Variants in DUOX1 observed in about 807,000 individuals in gnomAD.
DUOX1 encodes dual oxidase 1.
In DUOX1, 134 loss-of-function variants were observed where a neutral mutation model predicts 181.8. The ratio of observed to expected loss-of-function variants is 0.74; its 90% CI spans 0.64 to 0.85. DUOX1 has a LOEUF of 0.85. DUOX1 is among the 40% of genes least tolerant of loss of function. The pLI is 0.00. For synonymous variants in DUOX1, 798 were observed against 832.5 expected, an observed-to-expected ratio of 0.96 and a Z score of 0.71; for missense variants, 1,814 against 2,064.4, an observed-to-expected ratio of 0.88 and a Z score of 2.35.
At chr15:45,145,101 C>G in intron 18 of DUOX1, 21 bp downstream of exon 18, 1 of 1,568,052 alleles carries the variant, frequency 6.4e-7, no homozygotes, top group Non-Finnish European at 8.6e-7. Flanking sequence ...GGGACCAGAT[C>G]AATCCTTATG....
chr15:45,138,034 T>C lies in DUOX1; in HGVS notation c.1113+20T>C, dbSNP rs781758857. ...CGTGAGGTCCGAGCTGGGGGCCACA[T>C]ATGTGGTGGATGTGTGTGTGTGCAT... On this transcript the variant is annotated intron_variant, in intron 10 of 33. Transcript: ENST00000389037. 2 of 1,585,188 alleles carry C rather than the reference T, an allele frequency of 1.3e-6. No individual in the cohort carries two copies. The highest frequency in any genetic ancestry group is 1.7e-6 in the Non-Finnish European group (2 of 1,159,718).
intron 28 of DUOX1, among the ~76,000 whole-genome samples, chr15:45,160,531 C>T (rs1363047770): frequency 8.1e-6 from 1 of 123,262 alleles, no homozygotes; most frequent in Non-Finnish European, 1.7e-5. Context: ...ACAGGAATTA[C>T]AGTGAGACAA....
chr15:45,149,328 C>G (rs1160606073), intron 21 of DUOX1, among the ~76,000 whole-genome samples: 1 of 152,154 alleles, frequency 6.6e-6, no homozygotes, highest in Non-Finnish European at 1.5e-5. Context: ...GATTCTGCAG[C>G]TTTTTACCTT....
chr15:45,159,949 C>T (rs1460224076), intron 28 of DUOX1, among the ~76,000 whole-genome samples: 1 of 152,062 alleles, frequency 6.6e-6, no homozygotes, highest in Non-Finnish European at 1.5e-5. Context: ...GAGGTCAGTT[C>T]GAGACCAGCC....
At chr15:45,138,487 A>G (rs1295003622) in intron 10 of DUOX1, among the ~76,000 whole-genome samples, 8 of 152,142 alleles carry the variant, frequency 5.3e-5, no homozygotes, top group Admixed American at 3.9e-4. Flanking sequence ...GTTCCTAGAG[A>G]TTATTGGGGA....
intron 10 of DUOX1, chr15:45,138,612 G>GA: frequency 6.1e-6 from 1 of 163,908 alleles, no homozygotes; most frequent in Non-Finnish European, 1.3e-5. Flanking sequence ...TGGGGAGGAA[G>GA]AAAAAAGAAG....
chr15:45,152,584 G>C (rs749803175), intron 25 of DUOX1, 68 bp downstream of exon 25: 3 of 1,394,924 alleles, frequency 2.2e-6, no homozygotes, highest in African/African-American at 1.4e-5. Context: ...CCTCGTATGA[G>C]AGCCCCCCTC....
At chr15:45,159,256 G>A (rs971622493) in intron 28 of DUOX1, among the ~76,000 whole-genome samples, 6 of 152,236 alleles carry the variant, frequency 3.9e-5, no homozygotes, top group African/African-American at 1.4e-4. Flanking sequence ...ATGCCACATG[G>A]CGGAGCATAG....
At chr15:45,140,823 C>A in intron 12 of DUOX1, 72 bp from the exon 13 acceptor site, 1 of 1,503,270 alleles carries the variant, frequency 6.7e-7, no homozygotes, top group Non-Finnish European at 9.2e-7. Context: ...GGGCTAATCC[C>A]TGGGAGCCAC....
Position 45,144,074 on chromosome 15 carries a change from G to C in DUOX1, c.1975G>C (p.Val659Leu), listed in dbSNP as rs199914519. 6.2e-7 allele frequency: 1 copy of C among 1,614,012 alleles called. No homozygotes were observed. The highest frequency in any genetic ancestry group is 1.7e-5 in the Admixed American group (1 of 60,030). Residue 659 changes from valine (V) to leucine (L), a missense_variant, in exon 17 of 34, where the codon GTG becomes CTG. This residue lies in a region of DUOX1 where 1,064 missense variants were observed against 1,152.9 expected (regional missense o/e 0.92). Coordinates refer to ENST00000389037, the MANE Select transcript of DUOX1 (RefSeq NM_175940.3). ...WQGHKEPCRP[V>L]LVYLQPGQIR... The stretch of plus-strand genomic sequence containing the variant: ...AGGCCACAAGGAGCCCTGCCGGCCC[G>C]TGCTTGTGTACCTGCAGCCCGGGCA...
At chr15:45,147,094 A>G (rs1487286407) in intron 18 of DUOX1, among the ~76,000 whole-genome samples, 2 of 152,228 alleles carry the variant, frequency 1.3e-5, no homozygotes, top group African/African-American at 4.8e-5. Flanking sequence ...CTGTCAGCCA[A>G]TGAGGCCACT....
At chr15:45,141,263 C>T in intron 13 of DUOX1, 29 bp from the exon 14 acceptor site, 1 of 1,611,952 alleles carries the variant, frequency 6.2e-7, no homozygotes, top group South Asian at 1.1e-5. Context: ...CCCTTCCCAT[C>T]CCAGTGACTT....
intron 28 of DUOX1, 51 bp from the exon 29 acceptor site, chr15:45,160,786 A>G: frequency 1.3e-6 from 2 of 1,551,266 alleles, no homozygotes; most frequent in Admixed American, 1.8e-5. Context: ...CTGGCCCTGT[A>G]TTCTGCTATG....
At chr15:45,161,543 A>G (rs765114878) in intron 29 of DUOX1, among the ~76,000 whole-genome samples, 195 bp from the exon 30 acceptor site, 3 of 151,948 alleles carry the variant, frequency 2.0e-5, no homozygotes, top group Non-Finnish European at 4.4e-5. Context: ...AGAGAAGCTC[A>G]GGCCAGGCTG....
chr15:45,162,009 TC>T (rs1233033079), intron 30 of DUOX1, 39 bp downstream of exon 30: 1 of 1,566,068 alleles, frequency 6.4e-7, no homozygotes, highest in Non-Finnish European at 8.7e-7. Flanking sequence ...TGCGCCCATA[TC>T]CCCTTTGAAG....
At chr15:45,157,156 TC>T (rs1896987643) in intron 28 of DUOX1, among the ~76,000 whole-genome samples, 1 of 152,270 alleles carries the variant, frequency 6.6e-6, no homozygotes, top group Admixed American at 6.5e-5. Flanking sequence ...GTCTGTTTCA[TC>T]TTGCCTGTTG....
chr15:45,139,785 G>T, intron 12 of DUOX1, 186 bp downstream of exon 12: 1 of 728,374 alleles, frequency 1.4e-6, no homozygotes, highest in South Asian at 2.1e-5. Context: ...AGCAAGATTT[G>T]GCTTTGCACT....
intron 4 of DUOX1, 32 bp from the exon 5 acceptor site, chr15:45,135,072 T>G: frequency 6.2e-7 from 1 of 1,601,002 alleles, no homozygotes; most frequent in Non-Finnish European, 8.5e-7. Flanking sequence ...GCCCTCTGCT[T>G]GCCCTAGCAC....
chr15:45,135,445 CCCG>C lies in DUOX1; in HGVS notation c.496-28_496-26del. The C allele has an allele frequency of 1.9e-6, 3 of 1,541,676 alleles. No homozygotes were observed. The South Asian group carries it at 3.6e-5, about 18-fold the overall frequency. ...TCCCTAGCTCGCCGCCGCCCATCGA[CCCG>C]GGCTCACCCGCCGCGTGCCCCGCAG... On this transcript the variant is annotated intron_variant, in intron 5 of 33. Transcript: ENST00000389037.
Sources: allele counts gnomAD v4.1 joint callset (sites outside exome capture counted in the v4.1 genomes callset), GRCh38; gene constraint gnomAD v4.1.1; regional missense constraint gnomAD v4.1.1; transcripts MANE v1.5; gene names NCBI Gene and HGNC (gene_info 2026-07-23, HGNC 2026-07-21).